The following ALDH1A2 variants were observed in gnomAD, a reference collection of about 807,000 sequenced individuals.
The protein encoded by ALDH1A2 is aldehyde dehydrogenase 1 family member A2, also known as retinal dehydrogenase 2.
Under a neutral mutation model 60.3 loss-of-function variants are expected in ALDH1A2, and 27 were observed. That is an observed-to-expected ratio of 0.45 (90% CI 0.33 to 0.62). The LOEUF is 0.62. Among genes scored for constraint, ALDH1A2 ranks in the 20% least tolerant of loss-of-function variants. ALDH1A2 has a pLI of 0.02. For synonymous variants in ALDH1A2, 289 were observed against 232.4 expected, an observed-to-expected ratio of 1.24 and a Z score of -2.21; for missense variants, 581 against 643.8, an observed-to-expected ratio of 0.90 and a Z score of 1.06.
intron 1 of ALDH1A2, among the ~76,000 whole-genome samples, chr15:58,039,057 CT>C (rs1350771801): frequency 6.6e-6 from 1 of 151,742 alleles, no homozygotes; most frequent in African/African-American, 2.4e-5. Context: ...CCCTTGAATT[CT>C]TTTGCAATAA....
chr15:58,009,306 C>G (rs1895554624), intron 4 of ALDH1A2, among the ~76,000 whole-genome samples: 1 of 151,910 alleles, frequency 6.6e-6, no homozygotes, highest in Non-Finnish European at 1.5e-5. Context: ...CAGGCCCCAC[C>G]CCAGACTTAT....
intron 1 of ALDH1A2, among the ~76,000 whole-genome samples, chr15:58,046,553 C>G (rs1027392259): frequency 3.3e-5 from 5 of 151,992 alleles, no homozygotes; most frequent in Non-Finnish European, 5.9e-5. Flanking sequence ...CATTTTAATG[C>G]CAGTCTGCCT....
At chr15:58,055,203 C>A (rs999620643) in intron 1 of ALDH1A2, among the ~76,000 whole-genome samples, 27 of 152,030 alleles carry the variant, frequency 1.8e-4, no homozygotes, top group Admixed American at 5.2e-4. Context: ...CCTGAAAAAA[C>A]TAACTTTAAT....
chr15:58,022,771 C>T (rs1304850483), intron 1 of ALDH1A2, among the ~76,000 whole-genome samples: 1 of 152,164 alleles, frequency 6.6e-6, no homozygotes, highest in African/African-American at 2.4e-5. Context: ...CCAAAGAAAT[C>T]ATATAGAGAC....
At position 58,013,737 on chromosome 15, in the gene ALDH1A2, G is replaced by A. The variant is rs57526238; in HGVS notation, c.363+121C>T. ...ACTGCGCTCCAGCCTGGGCGACAGAGCTAGACTCCGTCTCAAAAAATAAAA... is the reference window on the plus strand; with the variant it reads ...ACTGCGCTCCAGCCTGGGCGACAGAACTAGACTCCGTCTCAAAAAATAAAA... On this transcript the variant is annotated intron_variant, in intron 3 of 12. Transcript: ENST00000249750. 2.5e-5 allele frequency: 34 copies of A among 1,347,654 alleles called. No individual in the cohort carries two copies. The African/African-American group carries it at 4.8e-4, about 19-fold the overall frequency. 83.5% of individuals were successfully genotyped at this position (1,347,654 alleles called of 1,614,324 possible).
chr15:58,004,733 A>ATATG, intron 4 of ALDH1A2, among the ~76,000 whole-genome samples: 1 of 147,600 alleles, frequency 6.8e-6, no homozygotes, highest in South Asian at 2.2e-4. Context: ...ATATATACAT[A>ATATG]TATATATATA....
At chr15:58,019,596 A>G (rs1321329907) in intron 1 of ALDH1A2, among the ~76,000 whole-genome samples, 1 of 152,204 alleles carries the variant, frequency 6.6e-6, no homozygotes, top group Non-Finnish European at 1.5e-5. Context: ...AAAAGAACAG[A>G]TGGTCCATAA....
chr15:57,990,047 A>G (rs185696241), intron 7 of ALDH1A2, among the ~76,000 whole-genome samples: 38 of 152,294 alleles, frequency 2.5e-4, no homozygotes, highest in Admixed American at 1.4e-3. Flanking sequence ...AAGCTGTCAG[A>G]AAAAGACTAA....
At chr15:57,974,088 G>A (rs560292744) in intron 7 of ALDH1A2, among the ~76,000 whole-genome samples, 9 of 152,202 alleles carry the variant, frequency 5.9e-5, no homozygotes, top group African/African-American at 1.9e-4. Flanking sequence ...TCAAAATAAT[G>A]TGATACTTGC....
intron 7 of ALDH1A2, among the ~76,000 whole-genome samples, chr15:57,982,986 A>G (rs1429288704): frequency 6.6e-6 from 1 of 152,164 alleles, no homozygotes; most frequent in Non-Finnish European, 1.5e-5. Flanking sequence ...GGTATGATTT[A>G]GGTTCTTAGG....
rs557002740 is a variant in ALDH1A2 at position 58,061,602 on chromosome 15, A to C, written c.117+3932T>G. The stretch of plus-strand genomic sequence containing the variant: ...GATTTAAACTCCTTCCCTCAAAAAA[A>C]AAAAAAACAAAAAAAAAAAAAAAAC... On this transcript the variant is annotated intron_variant, in intron 1 of 12. Coordinates refer to ENST00000249750, the MANE Select transcript of ALDH1A2 (RefSeq NM_003888.4). Among the ~76,000 whole-genome samples the C allele has an allele frequency of 1.4e-4, 20 of 145,592 alleles. 1 individual carries two copies. Among genetic ancestry groups the C allele is most frequent in the African/African-American group, 3.7e-4 (15 of 40,026 alleles).
chr15:57,985,338 A>G (rs551675069), intron 7 of ALDH1A2, among the ~76,000 whole-genome samples: 3 of 152,246 alleles, frequency 2.0e-5, no homozygotes, highest in African/African-American at 7.2e-5. Flanking sequence ...CTTTCTCTTG[A>G]AACCTTGATA....
intron 4 of ALDH1A2, among the ~76,000 whole-genome samples, chr15:58,008,751 A>G (rs1164562486): frequency 6.6e-6 from 1 of 152,096 alleles, no homozygotes; most frequent in Non-Finnish European, 1.5e-5. Context: ...GATCTTGTAA[A>G]TTTACCTTTC....
At chr15:58,048,024 T>C (rs1381592403) in intron 1 of ALDH1A2, among the ~76,000 whole-genome samples, 1 of 151,976 alleles carries the variant, frequency 6.6e-6, no homozygotes, top group Non-Finnish European at 1.5e-5. Context: ...TTTAAATCAA[T>C]TAACAGTTTT....
At chr15:58,024,666 A>G (rs1207491548) in intron 1 of ALDH1A2, among the ~76,000 whole-genome samples, 2 of 152,190 alleles carry the variant, frequency 1.3e-5, no homozygotes, top group African/African-American at 4.8e-5. Context: ...CAGAAAATCA[A>G]CCAAAAAGCA....
intron 1 of ALDH1A2, among the ~76,000 whole-genome samples, chr15:58,057,617 T>C (rs1201303110): frequency 6.6e-6 from 1 of 152,206 alleles, no homozygotes; most frequent in African/African-American, 2.4e-5. Flanking sequence ...CTGGCAATAG[T>C]GTGCTGTTCT....
chr15:58,062,412 T>A (rs1897063905), intron 1 of ALDH1A2, among the ~76,000 whole-genome samples: 1 of 152,140 alleles, frequency 6.6e-6, no homozygotes, highest in South Asian at 2.1e-4. Context: ...GACCTGGGAA[T>A]CTGTTAAGAG....
rs34599571 is a variant in ALDH1A2 at position 57,953,830 on chromosome 15, T to C, written c.*1367A>G. The C allele has an allele frequency of 9.8e-5, 15 of 152,388 alleles. No individual in the cohort carries two copies. Among genetic ancestry groups the C allele is most frequent in the Admixed American group, 9.8e-4 (15 of 15,292 alleles). The allele number at this position is 152,388 out of a possible 1,614,324, so 9.4% of individuals were successfully genotyped here. A position where few individuals can be genotyped will look rare whatever the true frequency, so the allele number is the denominator to read the frequency against. The stretch of plus-strand genomic sequence containing the variant: ...GGTACTTTTAAATAAATGATCTGCA[T>C]TTAGGTTAGAGACTGGATTGGATTT... On this transcript the variant is annotated 3_prime_UTR_variant, in exon 13 of 13. Coordinates refer to ENST00000249750, the MANE Select transcript of ALDH1A2 (RefSeq NM_003888.4).
chr15:58,013,786 A>C, intron 3 of ALDH1A2, 72 bp downstream of exon 3: 1 of 1,552,970 alleles, frequency 6.4e-7, no homozygotes, highest in East Asian at 2.3e-5. Flanking sequence ...AATAAAATAC[A>C]GCCGAAGAAT....
Sources: gnomAD v4.1 joint callset for allele counts (sites outside exome capture counted in the v4.1 genomes callset) on GRCh38, gnomAD v4.1.1 for gene constraint, MANE v1.5 for transcripts, NCBI Gene and HGNC (gene_info 2026-07-23, HGNC 2026-07-21) for gene names.